LPIN1: variants seen among roughly 807,000 people sequenced by gnomAD.
LPIN1 encodes the protein phosphatidate phosphatase LPIN1.
A neutral mutation model predicts 107.5 loss-of-function variants in LPIN1; 71 were observed. The ratio of observed to expected loss-of-function variants is 0.66; its 90% confidence interval spans 0.55 to 0.80. The LOEUF is 0.80. Among genes scored for constraint, LPIN1 ranks in the 30% least tolerant of loss-of-function variants. LPIN1 has a pLI of 0.00. For missense variants in LPIN1, 1,043 were observed against 1,160.6 expected (o/e 0.90, Z 1.47); for synonymous variants, 445 against 452.6 (o/e 0.98, Z 0.21).
chr2:11,741,312 AAAAG>A, intron 1 of LPIN1: 1 of 1,451,188 alleles, frequency 6.9e-7, no homozygotes, highest in Non-Finnish European at 9.4e-7. Flanking sequence ...ACTGGAGAGA[AAAAG>A]AACATTTTGT....
chr2:11,819,241 G>T, intron 18 of LPIN1: 1 of 490,394 alleles, frequency 2.0e-6, no homozygotes, highest in Non-Finnish European at 3.6e-6. Context: ...TTGTTCCCTG[G>T]ATGACCAGGA....
chr2:11,692,745 A>G (rs1662337238), intron 1 of LPIN1, among the ~76,000 whole-genome samples: 1 of 152,184 alleles, frequency 6.6e-6, no homozygotes, highest in Non-Finnish European at 1.5e-5. Flanking sequence ...AATCATTTAA[A>G]TTGCCCTTCT....
intron 1 of LPIN1, among the ~76,000 whole-genome samples, chr2:11,703,593 C>T (rs958000254): frequency 6.6e-6 from 1 of 152,134 alleles, no homozygotes; most frequent in African/African-American, 2.4e-5. Flanking sequence ...TACACACAAA[C>T]GGGCACGTAT....
At chr2:11,791,691 T>C in intron 12 of LPIN1, 1 of 1,381,648 alleles carries the variant, frequency 7.2e-7, no homozygotes. Flanking sequence ...TGTTTATTCC[T>C]TTAACATCTT....
At chr2:11,784,449 C>T in intron 9 of LPIN1, 1 of 1,100,156 alleles carries the variant, frequency 9.1e-7, no homozygotes, top group Non-Finnish European at 1.1e-6. Flanking sequence ...GGGCTGCCCT[C>T]CCTGCAAAGC....
intron 14 of LPIN1, among the ~76,000 whole-genome samples, chr2:11,799,725 C>G (rs1677358272): frequency 6.6e-6 from 1 of 152,000 alleles, no homozygotes. Flanking sequence ...CCAGGTCTCT[C>G]TAGCCTGTTA....
rs1424046405 is a variant in LPIN1, at chr2:11,786,399, G to T, written c.1550-675G>T. 6.6e-6 allele frequency among the ~76,000 whole-genome samples: 1 copy of T among 152,142 alleles called. No homozygotes were observed. Among genetic ancestry groups the T allele is most frequent in the South Asian group, 2.1e-4 (1 of 4,826 alleles). ...GGAGATGGTCAGAACCGCGGTCAAG[G>T]CTTAAGGTACAGCCCAGCTGCCAGA... On this transcript the variant is annotated intron_variant, in intron 10 of 20. Transcript: ENST00000674199. This position sits in a 1 kb window ranked among gnomAD's most constrained non-coding sequence, Gnocchi z 4.1.
chr2:11,784,429 G>GA, intron 9 of LPIN1: 4 of 1,118,060 alleles, frequency 3.6e-6, no homozygotes, highest in Non-Finnish European at 4.4e-6. Flanking sequence ...CTGGACAGGG[G>GA]CGCAGCACCG....
chr2:11,792,086 A>G (rs930344860), intron 13 of LPIN1, 80 bp downstream of exon 13: 11 of 1,202,146 alleles, frequency 9.2e-6, no homozygotes, highest in Non-Finnish European at 1.3e-5. Context: ...ATGTACTTAC[A>G]TCAGAGAAAT....
rs1674533037 is a variant in LPIN1 at position 11,786,138 on chromosome 2, G to C, written c.1550-936G>C. On this transcript the variant is annotated intron_variant, in intron 10 of 20. Coordinates refer to ENST00000674199, the MANE Select transcript of LPIN1 (RefSeq NM_001349206.2). The surrounding 1 kb of genome is among the most constrained non-coding windows in gnomAD (Gnocchi z 4.1). ...TCTCATGGGGCCAGGATCTGCAGCTGTCCAGTCCTTACAGGTGAGGCCAGA... is the reference window on the plus strand; with the variant it reads ...TCTCATGGGGCCAGGATCTGCAGCTCTCCAGTCCTTACAGGTGAGGCCAGA... Among the ~76,000 whole-genome samples, 1 of 152,118 alleles carries C rather than the reference G, an allele frequency of 6.6e-6. No individual in the cohort carries two copies. The highest frequency in any genetic ancestry group is 2.4e-5 in the African/African-American group (1 of 41,402).
In LPIN1 at chr2:11,776,090, C is replaced by G; in HGVS notation, c.727C>G (p.Leu243Val). 1 of 1,544,988 alleles carries G rather than the reference C, an allele frequency of 6.5e-7. No homozygotes were observed. Among genetic ancestry groups the G allele is most frequent in the Non-Finnish European group, 8.7e-7 (1 of 1,143,164 alleles). Residue 243 changes from leucine (L) to valine (V), a missense_variant, in exon 6 of 21, where the codon CTG (leucine) becomes GTG (valine). By Grantham distance (32) the Leu-to-Val change is conservative. Transcript: ENST00000674199. ...DREWSPTPSS[L>V]VDCKRTAPHL... ...GTATCACGTGGTGGTATCCAGTAGC[C>G]TGGTAGATTGCAAAAGGACTGCCCC... is the stretch of plus-strand genomic sequence containing the variant.
intron 11 of LPIN1, among the ~76,000 whole-genome samples, chr2:11,787,392 C>CTGTTTTTTTTTTTTTTTT (rs1674784240): frequency 8.8e-6 from 1 of 113,692 alleles, no homozygotes; most frequent in Non-Finnish European, 1.7e-5. Context: ...CTTTTCTTTT[C>CTGTTTTTTTTTTTTTTTT]TTTTTCTTTT....
chr2:11,708,345 G>A (rs1481295864), intron 1 of LPIN1, among the ~76,000 whole-genome samples: 1 of 152,162 alleles, frequency 6.6e-6, no homozygotes, highest in East Asian at 1.9e-4. Context: ...TGGAGAGCTG[G>A]GTTTTGAGTC....
At chr2:11,763,986 T>G (rs1042960561) in intron 1 of LPIN1, among the ~76,000 whole-genome samples, 1 of 146,302 alleles carries the variant, frequency 6.8e-6, no homozygotes, top group Admixed American at 6.7e-5. Flanking sequence ...TGTGTGTGTG[T>G]GTATATATAT....
upstream of LPIN1, among the ~76,000 whole-genome samples, chr2:11,719,936 A>G (rs1274242522): frequency 6.6e-6 from 1 of 152,130 alleles, no homozygotes; most frequent in Non-Finnish European, 1.5e-5. Context: ...TGAGTTGTGA[A>G]TAGAAACGTT....
chr2:11,815,531 C>T (rs1349488850), intron 18 of LPIN1, among the ~76,000 whole-genome samples: 1 of 152,092 alleles, frequency 6.6e-6, no homozygotes, highest in Non-Finnish European at 1.5e-5. Context: ...CAGTCTGTGT[C>T]TCCCAGACAA....
intron 14 of LPIN1, among the ~76,000 whole-genome samples, chr2:11,800,132 G>A (rs558331457): frequency 2.6e-5 from 4 of 152,332 alleles, no homozygotes; most frequent in South Asian, 2.1e-4. Flanking sequence ...CAAGCCCTGC[G>A]TGAGTGGGAA....
intron 20 of LPIN1, chr2:11,823,041 A>T (rs1375666828): frequency 2.0e-5 from 3 of 152,228 alleles, no homozygotes; most frequent in Non-Finnish European, 4.4e-5. Context: ...CTGGCGCTGA[A>T]CTTGGTATAG....
At chr2:11,692,699 C>A (rs57245099) in intron 1 of LPIN1, among the ~76,000 whole-genome samples, 2,739 of 152,276 alleles carry the variant, frequency 0.018, 84 homozygotes, top group African/African-American at 0.062. Context: ...TCTGGGTGTT[C>A]CCAGTTTGTG....
Sources: allele counts gnomAD v4.1 joint callset (sites outside exome capture counted in the v4.1 genomes callset), GRCh38; gene constraint gnomAD v4.1.1; non-coding constraint Gnocchi (gnomAD v3.1); transcripts MANE v1.5; gene names NCBI Gene and HGNC (gene_info 2026-07-23, HGNC 2026-07-21).